Variants in BMPR1B observed in about 807,000 individuals in gnomAD.
BMPR1B encodes the protein bone morphogenetic protein receptor type-1B.
A neutral mutation model predicts 59.1 loss-of-function variants in BMPR1B; 12 were observed. The ratio of observed to expected loss-of-function variants is 0.20; its 90% confidence interval spans 0.13 to 0.33. The LOEUF is 0.33. BMPR1B is among the 10% of genes least tolerant of loss of function. The pLI is 1.00. For synonymous variants in BMPR1B, 237 were observed against 207.3 expected (o/e 1.14, Z -1.23); for missense variants, 550 against 610.9 (o/e 0.90, Z 1.05).
At chr4:94,776,253 A>G (rs1456273282) in intron 1 of BMPR1B, among the ~76,000 whole-genome samples, 1 of 152,170 alleles carries the variant, frequency 6.6e-6, no homozygotes, top group Non-Finnish European at 1.5e-5. Context: ...TGTTTATATT[A>G]TCTATACAAA....
chr4:95,083,453 A>G (rs912923569), intron 3 of BMPR1B, among the ~76,000 whole-genome samples: 3 of 152,194 alleles, frequency 2.0e-5, no homozygotes, highest in African/African-American at 4.8e-5. Flanking sequence ...AAACCTTAGA[A>G]GCTCAAGAGT....
At chr4:94,828,138 T>G (rs1252436864) in intron 1 of BMPR1B, among the ~76,000 whole-genome samples, 2 of 152,234 alleles carry the variant, frequency 1.3e-5, no homozygotes, top group Non-Finnish European at 1.5e-5. Context: ...GTGGCTTTCA[T>G]TAATTCAAAT....
chr4:95,058,621 A>T (rs933760931), intron 3 of BMPR1B, among the ~76,000 whole-genome samples: 10 of 152,208 alleles, frequency 6.6e-5, no homozygotes, highest in African/African-American at 2.4e-4. Context: ...TGCCAAGGCC[A>T]ATAGCACGGA....
chr4:94,918,137 A>T (rs1023302311), intron 2 of BMPR1B, among the ~76,000 whole-genome samples: 1 of 151,994 alleles, frequency 6.6e-6, no homozygotes, highest in Admixed American at 6.6e-5. Context: ...CTCTTTTTTT[A>T]GTATTATCTA....
rs151229795 is a variant in BMPR1B, at chr4:95,026,965, G to A, written c.-18+30831G>A. ...ACTTTTGTAGAGATGGAGTCTTGCT[G>A]TGTTGCCCTAGGTGGTCCCAAACTC... On this transcript the variant is annotated intron_variant, in intron 3 of 12. Transcript: ENST00000515059. Among the ~76,000 whole-genome samples, 790 of 151,802 alleles carry A rather than the reference G, an allele frequency of 5.2e-3. 6 individuals carry two copies. Among genetic ancestry groups the A allele is most frequent in the African/African-American group, 0.018 (750 of 41,378 alleles).
intron 1 of BMPR1B, among the ~76,000 whole-genome samples, chr4:94,794,957 A>T (rs373131204): frequency 1.5e-3 from 221 of 147,042 alleles, no homozygotes; most frequent in African/African-American, 5.5e-3. Context: ...CAATCATGTC[A>T]TCTGCAAAGA....
At chr4:95,050,235 G>A (rs185208583) in intron 3 of BMPR1B, among the ~76,000 whole-genome samples, 421 of 152,178 alleles carry the variant, frequency 2.8e-3, no homozygotes, top group Middle Eastern at 0.01. Flanking sequence ...AACTAAAAGG[G>A]ATATGGATAA....
chr4:95,051,621 A>T (rs1248812055), intron 3 of BMPR1B: 2 of 1,311,420 alleles, frequency 1.5e-6, no homozygotes, highest in African/African-American at 2.9e-5. Context: ...GTGGCAGCAG[A>T]GGCGTCTCAG....
chr4:95,033,963 A>G (rs988972304), intron 3 of BMPR1B, among the ~76,000 whole-genome samples: 1 of 152,154 alleles, frequency 6.6e-6, no homozygotes, highest in Non-Finnish European at 1.5e-5. Context: ...TTCTGCTGAG[A>G]TTACCAATGG....
At chr4:94,939,476 T>G (rs1729432809) in intron 2 of BMPR1B, among the ~76,000 whole-genome samples, 1 of 152,192 alleles carries the variant, frequency 6.6e-6, no homozygotes. Flanking sequence ...TGAGGGTCCA[T>G]TGTATTTGCA....
chr4:94,811,850 T>C (rs759328154), intron 1 of BMPR1B, among the ~76,000 whole-genome samples: 10 of 152,190 alleles, frequency 6.6e-5, no homozygotes, highest in Non-Finnish European at 1.3e-4. Context: ...TCCTGAAATA[T>C]CGTGCCAGTA....
At chr4:94,803,614 T>C (rs1458042160) in intron 1 of BMPR1B, among the ~76,000 whole-genome samples, 1 of 152,232 alleles carries the variant, frequency 6.6e-6, no homozygotes, top group African/African-American at 2.4e-5. Context: ...TAATAAAATT[T>C]AGCTCGGCAG....
intron 11 of BMPR1B, among the ~76,000 whole-genome samples, chr4:95,150,939 T>C (rs1389106255): frequency 6.6e-6 from 1 of 152,224 alleles, no homozygotes; most frequent in Non-Finnish European, 1.5e-5. Context: ...ATAGCATACC[T>C]GTTTCCACAA....
intron 2 of BMPR1B, among the ~76,000 whole-genome samples, chr4:94,883,853 T>G (rs1157037901): frequency 6.6e-6 from 1 of 152,208 alleles, no homozygotes; most frequent in East Asian, 1.9e-4. Flanking sequence ...GTAGATGGAC[T>G]GTTGATTCCC....
chr4:95,109,858 C>G (rs1421862095), intron 4 of BMPR1B, among the ~76,000 whole-genome samples: 1 of 120,752 alleles, frequency 8.3e-6, no homozygotes, highest in Non-Finnish European at 1.7e-5. Flanking sequence ...TATCCCTCCC[C>G]CCTCCCCCCA....
At chr4:94,861,119 G>A (rs1725961418) in intron 1 of BMPR1B, among the ~76,000 whole-genome samples, 2 of 152,086 alleles carry the variant, frequency 1.3e-5, no homozygotes, top group Non-Finnish European at 2.9e-5. Context: ...AGGTAGTATA[G>A]TGCTGTGATT....
intron 11 of BMPR1B, 60 bp from the exon 12 acceptor site, chr4:95,152,581 CTT>C (rs1735121606): frequency 1.4e-6 from 2 of 1,424,288 alleles, no homozygotes; most frequent in Non-Finnish European, 9.5e-7. Flanking sequence ...CTGTGTTAGA[CTT>C]TTATTTCTAC....
intron 1 of BMPR1B, among the ~76,000 whole-genome samples, chr4:94,791,795 C>G (rs1401527278): frequency 2.0e-5 from 3 of 152,102 alleles, no homozygotes; most frequent in African/African-American, 7.2e-5. Flanking sequence ...ACCTTTCCCT[C>G]TTTCTTCCTT....
At chr4:94,879,132 C>T (rs939138877) in intron 2 of BMPR1B, among the ~76,000 whole-genome samples, 7 of 152,050 alleles carry the variant, frequency 4.6e-5, no homozygotes, top group Non-Finnish European at 1.0e-4. Context: ...GGTATATCTC[C>T]TATTATAATT....
Sources: gnomAD v4.1 joint callset for allele counts (sites outside exome capture counted in the v4.1 genomes callset) on GRCh38, gnomAD v4.1.1 for gene constraint, MANE v1.5 for transcripts, NCBI Gene and HGNC (gene_info 2026-07-23, HGNC 2026-07-21) for gene names.